FRY: variants seen among roughly 807,000 people sequenced by gnomAD.
The protein encoded by FRY is FRY microtubule binding protein.
FRY carries 128 observed loss-of-function variants against 348.4 expected under a neutral mutation model. That is an observed-to-expected ratio of 0.37 (90% CI 0.32 to 0.43). FRY has a LOEUF of 0.43. FRY is among the 20% of genes least tolerant of loss of function. FRY has a pLI of 1.00. For synonymous variants in FRY, 1,370 were observed against 1,374.7 expected (o/e 1.00, Z 0.08); for missense variants, 2,736 against 3,695.2 (o/e 0.74, Z 6.73).
rs764829135 is a variant in FRY at position 32,237,346 on chromosome 13, C to T, written c.5811-33C>T. 12 of 1,609,788 alleles carry T rather than the reference C, an allele frequency of 7.5e-6. No homozygotes were observed. The highest frequency in any genetic ancestry group is 1.3e-5 in the African/African-American group (1 of 74,820). On this transcript the variant is annotated intron_variant, in intron 43 of 60. Coordinates refer to ENST00000542859, the MANE Select transcript of FRY (RefSeq NM_023037.3). The surrounding 1 kb of genome is among the most constrained non-coding windows in gnomAD (Gnocchi z 6.3). ...ACTGGCTTTTGGTGACACATGTTGGCATCCTATTAAACTTATTTATTTTTA... is the reference window on the plus strand; with the variant it reads ...ACTGGCTTTTGGTGACACATGTTGGTATCCTATTAAACTTATTTATTTTTA...
At chr13:32,211,602 C>G (rs549477505) in intron 34 of FRY, among the ~76,000 whole-genome samples, 19 of 152,332 alleles carry the variant, frequency 1.2e-4, no homozygotes, top group African/African-American at 4.6e-4. Context: ...ATTGCAGTCA[C>G]TCAGGAATCT....
chr13:32,173,466 A>C lies in FRY; in HGVS notation c.2251A>C (p.Ser751Arg). The change falls in exon 19 of 61, where the codon AGT (serine) becomes CGT (arginine). Residue 751 changes from serine (S) to arginine (R), a missense_variant. Coordinates refer to ENST00000542859, the MANE Select transcript of FRY (RefSeq NM_023037.3). ...VEGFALVLLCSFQVATRKLSV... is the reference protein window; with the variant it reads ...VEGFALVLLCRFQVATRKLSV... ...AGGTTTTGCTCTGGTTTTACTCTGC[A>C]GTTTCCAGGTGGCCACACGCAAACT... 1 of 1,613,368 alleles carries C rather than the reference A, an allele frequency of 6.2e-7. No individual in the cohort carries two copies.
intron 2 of FRY, 40 bp from the exon 3 acceptor site, chr13:32,101,923 C>T (rs1877186183): frequency 9.4e-7 from 1 of 1,059,456 alleles, no homozygotes; most frequent in Non-Finnish European, 1.5e-6. Flanking sequence ...ATTTAAGAGA[C>T]TCTAATAATT....
intron 33 of FRY, among the ~76,000 whole-genome samples, 185 bp from the exon 34 acceptor site, chr13:32,210,680 CG>C (rs1194429976): frequency 2.0e-5 from 3 of 152,124 alleles, no homozygotes; most frequent in Admixed American, 6.5e-5. Context: ...TGTTATCAGA[CG>C]TGCCGATGAA....
intron 1 of FRY, among the ~76,000 whole-genome samples, chr13:32,036,650 G>A (rs1034771061): frequency 2.6e-5 from 4 of 151,906 alleles, no homozygotes; most frequent in Non-Finnish European, 4.4e-5. Context: ...GGTGCAAACC[G>A]GGACTGCCCT....
At chr13:32,087,671 TC>T (rs1804962550) in intron 2 of FRY, among the ~76,000 whole-genome samples, 1 of 152,216 alleles carries the variant, frequency 6.6e-6, no homozygotes, top group South Asian at 2.1e-4. Context: ...AGAGGTTTTT[TC>T]ACCTCTGGGC....
chr13:32,294,008 A>G (rs887466910), intron 59 of FRY, among the ~76,000 whole-genome samples: 2 of 152,244 alleles, frequency 1.3e-5, no homozygotes, highest in Admixed American at 6.5e-5. Context: ...CCATCTTCCT[A>G]CAGTACACTG....
In FRY at chr13:32,295,556, C is replaced by T. The variant is rs533568185; in HGVS notation, c.*96C>T. On this transcript the variant is annotated 3_prime_UTR_variant, in exon 61 of 61. Transcript: ENST00000542859. ...CTTCTCGGCCTTCAAAAGGCTTGGA[C>T]AGACTGTTCTCCCTCTTGTTACCTG... 1.7e-6 allele frequency: 2 copies of T among 1,178,256 alleles called. No individual in the cohort carries two copies. The highest frequency in any genetic ancestry group is 1.2e-5 in the South Asian group (1 of 81,698). 73.0% of individuals were successfully genotyped at this position (1,178,256 alleles called of 1,614,324 possible).
rs765634704 is a variant in FRY at position 32,209,710 on chromosome 13, C to T, written c.4401C>T (p.Ser1467=). ...QFLISLCGVS[S]DTVLLPYIKK... is the part of the protein sequence containing the mutation. Reference sequence around the variant, plus strand: ...TGATTAGCCTCTGTGGGGTCAGCAGCGACACAGTTCTCCTACCCTATGTAA... The same window carrying T: ...TGATTAGCCTCTGTGGGGTCAGCAGTGACACAGTTCTCCTACCCTATGTAA... Residue 1467 remains serine (S), a synonymous_variant, in exon 33 of 61, where the codon AGC becomes AGT. Transcript: ENST00000542859. The T allele has an allele frequency of 8.7e-6, 14 of 1,614,010 alleles. No homozygotes were observed. Among genetic ancestry groups the T allele is most frequent in the South Asian group, 5.5e-5 (5 of 91,090 alleles).
chr13:32,216,639 A>G (rs1183168812), intron 35 of FRY, among the ~76,000 whole-genome samples: 1 of 152,248 alleles, frequency 6.6e-6, no homozygotes, highest in Non-Finnish European at 1.5e-5. Flanking sequence ...TCCTTTCTGA[A>G]TGATGTCTGG....
chr13:32,262,441 A>T lies in FRY; in HGVS notation c.7745A>T (p.Asp2582Val), dbSNP rs2138546878. 1 of 1,613,756 alleles carries T rather than the reference A, an allele frequency of 6.2e-7. No individual in the cohort carries two copies. The highest frequency in any genetic ancestry group is 2.2e-5 in the East Asian group (1 of 44,878). The change falls in exon 53 of 61, where the codon GAT (aspartate) becomes GTT (valine). Residue 2582 changes from aspartate to valine, a missense_variant. Physicochemically the swap from Asp to Val is radical, Grantham distance 152 (BLOSUM62 -3). This residue lies in a region of FRY where 789 missense variants were observed against 996.2 expected (regional missense o/e 0.79). Coordinates refer to ENST00000542859, the MANE Select transcript of FRY (RefSeq NM_023037.3). ...RMSSFDASLP[D>V]MNNLQISEGS... is the part of the protein sequence containing the mutation. ...TCCAGCTTTGATGCTTCCTTGCCTG[A>T]TATGAATAATCTGCAGATTTCTGAG...
chr13:32,284,157 GA>G (rs1888942692), intron 58 of FRY, among the ~76,000 whole-genome samples: 1 of 152,190 alleles, frequency 6.6e-6, no homozygotes, highest in Admixed American at 6.5e-5. Context: ...TAATTCAACA[GA>G]TATTTCTGAG....
intron 1 of FRY, among the ~76,000 whole-genome samples, chr13:32,032,119 A>G (rs1478171531): frequency 1.3e-5 from 2 of 151,934 alleles, no homozygotes; most frequent in Admixed American, 6.6e-5. Flanking sequence ...AAAGGCTGCA[A>G]TGGAATTACA....
At chr13:32,253,029 G>C (rs953395059) in intron 50 of FRY, among the ~76,000 whole-genome samples, 1 of 152,156 alleles carries the variant, frequency 6.6e-6, no homozygotes, top group Non-Finnish European at 1.5e-5. Flanking sequence ...CGTCATTGTG[G>C]TTGGCACTTT....
intron 55 of FRY, among the ~76,000 whole-genome samples, chr13:32,273,323 C>A (rs1489887867): frequency 6.7e-6 from 1 of 148,704 alleles, no homozygotes; most frequent in Non-Finnish European, 1.5e-5. Context: ...CTGGGGTTCA[C>A]GCCATTCTCC....
rs1341686933 is a variant in FRY at position 32,295,823 on chromosome 13, G to A, written c.*363G>A. The A allele has an allele frequency of 4.2e-6, 1 of 237,642 alleles. No homozygotes were observed. Among genetic ancestry groups the A allele is most frequent in the African/African-American group, 2.2e-5 (1 of 44,736 alleles). 14.7% of individuals were successfully genotyped at this position (237,642 alleles called of 1,614,324 possible). On this transcript the variant is annotated 3_prime_UTR_variant, in exon 61 of 61. Coordinates refer to ENST00000542859, the MANE Select transcript of FRY (RefSeq NM_023037.3). ...AATTTTAGATTGGCAAAAGTGCAATGTTTTCTTCACTCAAAAAATTTTATA... is the reference window on the plus strand; with the variant it reads ...AATTTTAGATTGGCAAAAGTGCAATATTTTCTTCACTCAAAAAATTTTATA...
chr13:32,202,984 G>A (rs1348305382), intron 31 of FRY, among the ~76,000 whole-genome samples: 5 of 151,896 alleles, frequency 3.3e-5, no homozygotes, highest in Admixed American at 2.6e-4. Context: ...AATTAGTGAT[G>A]CTAAGTTTGT....
chr13:32,157,529 T>A, intron 16 of FRY, 124 bp downstream of exon 16: 2 of 786,848 alleles, frequency 2.5e-6, no homozygotes, highest in Non-Finnish European at 1.9e-6. Context: ...GTAAAGATAG[T>A]TAAAAAAAAA....
chr13:32,270,027 A>G (rs1349433899), intron 55 of FRY, among the ~76,000 whole-genome samples: 2 of 151,692 alleles, frequency 1.3e-5, no homozygotes, highest in Non-Finnish European at 2.9e-5. Flanking sequence ...TTGGGGCTGG[A>G]GGAGATGTTA....
Sources: gnomAD v4.1 joint callset for allele counts (sites outside exome capture counted in the v4.1 genomes callset) on GRCh38, gnomAD v4.1.1 for gene constraint, gnomAD v4.1.1 regional missense constraint, Gnocchi (gnomAD v3.1) non-coding constraint, MANE v1.5 for transcripts, NCBI Gene and HGNC (gene_info 2026-07-23, HGNC 2026-07-21) for gene names.